SHISA9: variants seen among roughly 807,000 people sequenced by gnomAD.
SHISA9 encodes the protein protein shisa-9.
In SHISA9, 13 loss-of-function variants were observed where a neutral mutation model predicts 38.0. That is an observed-to-expected ratio of 0.34 (90% CI 0.22 to 0.54). The LOEUF (loss-of-function observed/expected upper bound fraction) is 0.54. SHISA9 is among the 20% of genes least tolerant of loss of function. The pLI, the probability that SHISA9 is intolerant of heterozygous loss-of-function variation, is 0.91. For missense variants in SHISA9, 538 were observed against 575.8 expected, an observed-to-expected ratio of 0.93 and a Z score of 0.67; for synonymous variants, 275 against 242.0, an observed-to-expected ratio of 1.14 and a Z score of -1.27.
the SHISA9 span, among the ~76,000 whole-genome samples, chr16:13,525,266 T>G: frequency 6.6e-6 from 1 of 152,164 alleles, no homozygotes; most frequent in Non-Finnish European, 1.5e-5. Flanking sequence ...TTATTAATCC[T>G]GGAAAGGGAC....
At chr16:13,388,056 T>G in the SHISA9 span, among the ~76,000 whole-genome samples, 1 of 152,120 alleles carries the variant, frequency 6.6e-6, no homozygotes, top group African/African-American at 2.4e-5. Context: ...GGGAGGTCAG[T>G]AGTACCTGAG....
downstream of SHISA9, among the ~76,000 whole-genome samples, chr16:13,244,162 C>G (rs2051455594): frequency 6.6e-6 from 1 of 152,100 alleles, no homozygotes; most frequent in African/African-American, 2.4e-5. Context: ...TATGGATTCC[C>G]TTTTCAGAAT....
chr16:13,456,477 G>A, the SHISA9 span, among the ~76,000 whole-genome samples: 2 of 152,188 alleles, frequency 1.3e-5, no homozygotes, highest in African/African-American at 4.8e-5. Context: ...GGGCAATTCT[G>A]GGATGCCGAT....
the SHISA9 span, chr16:13,474,065 G>A: frequency 6.6e-6 from 1 of 152,276 alleles, no homozygotes; most frequent in South Asian, 2.1e-4. Flanking sequence ...AAGATAGAAG[G>A]GCCCTGGGTG....
At chr16:13,365,413 C>T in the SHISA9 span, among the ~76,000 whole-genome samples, 1 of 150,684 alleles carries the variant, frequency 6.6e-6, no homozygotes, top group South Asian at 2.1e-4. Context: ...AAACATTTAA[C>T]ATACCTTATC....
At chr16:13,368,676 C>G in the SHISA9 span, among the ~76,000 whole-genome samples, 3 of 149,892 alleles carry the variant, frequency 2.0e-5, no homozygotes, top group African/African-American at 7.4e-5. Flanking sequence ...AAAAAACAGG[C>G]TAATTAATAG....
At chr16:13,295,996 G>A in the SHISA9 span, among the ~76,000 whole-genome samples, 1 of 152,164 alleles carries the variant, frequency 6.6e-6, no homozygotes, top group Non-Finnish European at 1.5e-5. Context: ...CTATTAGCTA[G>A]AAAACGGGAA....
At chr16:13,074,128 C>T (rs2073553139) in intron 2 of SHISA9, among the ~76,000 whole-genome samples, 2 of 152,060 alleles carry the variant, frequency 1.3e-5, no homozygotes, top group South Asian at 4.1e-4. Context: ...CGCCATCACG[C>T]CTGGCTAATT....
At chr16:13,493,947 G>A in the SHISA9 span, among the ~76,000 whole-genome samples, 1 of 150,762 alleles carries the variant, frequency 6.6e-6, no homozygotes, top group South Asian at 2.1e-4. Flanking sequence ...TTACCCCAAG[G>A]GCCTTCAGGT....
At chr16:13,510,638 G>A in the SHISA9 span, among the ~76,000 whole-genome samples, 2 of 152,134 alleles carry the variant, frequency 1.3e-5, no homozygotes, top group South Asian at 4.1e-4. Flanking sequence ...TTTCCTTGCA[G>A]TTTTTTCCAG....
chr16:13,351,547 C>A, the SHISA9 span, among the ~76,000 whole-genome samples: 2 of 152,144 alleles, frequency 1.3e-5, no homozygotes, highest in East Asian at 1.9e-4. Context: ...CCCACCCCTG[C>A]CATCCTCCTC....
At chr16:13,211,386 A>C (rs867879795) in intron 3 of SHISA9, among the ~76,000 whole-genome samples, 7 of 152,134 alleles carry the variant, frequency 4.6e-5, no homozygotes, top group Admixed American at 3.3e-4. Flanking sequence ...GAGGTATGCT[A>C]TACTGGAGGT....
At chr16:13,544,356 C>T in the SHISA9 span, among the ~76,000 whole-genome samples, 4 of 148,884 alleles carry the variant, frequency 2.7e-5, no homozygotes, top group Non-Finnish European at 5.9e-5. Context: ...AATTTGAACC[C>T]CATTCTGACA....
At chr16:13,099,955 A>T (rs2073862647) in intron 2 of SHISA9, among the ~76,000 whole-genome samples, 1 of 152,042 alleles carries the variant, frequency 6.6e-6, no homozygotes, top group African/African-American at 2.4e-5. Flanking sequence ...TTCCTTTTAC[A>T]CCTTAGGCAG....
chr16:12,958,056 A>G (rs920200411), intron 2 of SHISA9, among the ~76,000 whole-genome samples: 25 of 152,236 alleles, frequency 1.6e-4, no homozygotes, highest in Non-Finnish European at 2.9e-4. Flanking sequence ...AACACAGATA[A>G]AAGCAGTTTA....
intron 2 of SHISA9, among the ~76,000 whole-genome samples, chr16:13,160,347 T>C (rs1171431936): frequency 6.6e-6 from 1 of 152,234 alleles, no homozygotes; most frequent in Non-Finnish European, 1.5e-5. Context: ...GTCAGACCTG[T>C]GCCTTCTACT....
chr16:13,550,087 C>T, the SHISA9 span, among the ~76,000 whole-genome samples: 11 of 151,670 alleles, frequency 7.3e-5, no homozygotes, highest in African/African-American at 9.7e-5. Flanking sequence ...GGAGTGACCC[C>T]GGGAAGATCT....
rs185050980 is a variant in SHISA9, at chr16:13,113,912, C to G, written c.692-89482C>G. On this transcript the variant is annotated intron_variant, in intron 2 of 4. Coordinates refer to ENST00000558583, the MANE Select transcript of SHISA9 (RefSeq NM_001145204.3). ...TGAGCTGGCTGGCAGGGGTCACTGCCTTCTTCTGTCACTCCATTATTCATT... is the reference window on the plus strand; with the variant it reads ...TGAGCTGGCTGGCAGGGGTCACTGCGTTCTTCTGTCACTCCATTATTCATT... Among the ~76,000 whole-genome samples, 327 of 152,336 alleles carry G rather than the reference C, an allele frequency of 2.1e-3. 3 individuals carry two copies. Among genetic ancestry groups the G allele is most frequent in the African/African-American group, 7.4e-3 (307 of 41,584 alleles).
chr16:13,533,149 A>G, the SHISA9 span, among the ~76,000 whole-genome samples: 216 of 152,126 alleles, frequency 1.4e-3, no homozygotes, highest in Non-Finnish European at 2.1e-3. Flanking sequence ...ATGGTCCCCC[A>G]TGACTACCTC....
Sources: gnomAD v4.1 joint callset for allele counts (sites outside exome capture counted in the v4.1 genomes callset) on GRCh38, gnomAD v4.1.1 for gene constraint, MANE v1.5 for transcripts, NCBI Gene and HGNC (gene_info 2026-07-23, HGNC 2026-07-21) for gene names.